PAQR5: variants seen among roughly 807,000 people sequenced by gnomAD.
The protein encoded by PAQR5 is membrane progestin receptor gamma.
In PAQR5, 20 loss-of-function variants were observed where a neutral mutation model predicts 34.5. The observed-to-expected ratio is 0.58, with a 90% CI of 0.41 to 0.84. PAQR5 has a LOEUF of 0.84. Among genes scored for constraint, PAQR5 ranks in the 40% least tolerant of loss-of-function variants. PAQR5 has a pLI of 0.00. For missense variants in PAQR5, 378 were observed against 412.7 expected (o/e 0.92, Z 0.73); for synonymous variants, 131 against 155.6 (o/e 0.84, Z 1.18).
Position 69,379,977 on chromosome 15 carries a change from C to T in PAQR5, c.146C>T (p.Thr49Ile). ...AGCCTTTTCCAAATGACCAATGAGACTCTCAACATTTGGACTCACTTGCTG... is the reference window on the plus strand; with the variant it reads ...AGCCTTTTCCAAATGACCAATGAGATTCTCAACATTTGGACTCACTTGCTG... ...ILSLFQMTNE[T>I]LNIWTHLLPF... The change falls in exon 4 of 9, where the codon ACT becomes ATT. Residue 49 changes from threonine to isoleucine, a missense_variant. Transcript: ENST00000395407. 6.2e-7 allele frequency: 1 copy of T among 1,614,236 alleles called. No homozygotes were observed. Among genetic ancestry groups the T allele is most frequent in the East Asian group, 2.2e-5 (1 of 44,878 alleles).
rs200444509 is a variant in PAQR5, at chr15:69,400,164, G to A, written c.751+49G>A. ...CTCTGCTCATTGCCCTCCTGACTGG[G>A]GAGGGTCCTGTCCCTGACTCCAGTG... On this transcript the variant is annotated intron_variant, in intron 8 of 8. Coordinates refer to ENST00000395407, the MANE Select transcript of PAQR5 (RefSeq NM_017705.4). 362 of 1,572,354 alleles carry A rather than the reference G, an allele frequency of 2.3e-4. 3 individuals carry two copies. In the African/African-American group the frequency reaches 4.5e-3, roughly 20 times the overall value.
chr15:69,351,438 T>G (rs911297627), intron 2 of PAQR5, among the ~76,000 whole-genome samples: 2 of 152,244 alleles, frequency 1.3e-5, no homozygotes, highest in African/African-American at 4.8e-5. Flanking sequence ...AAATAACACA[T>G]CTTCTGGTAC....
chr15:69,400,193 G>T (rs1265230160), intron 8 of PAQR5, 78 bp downstream of exon 8: 1 of 1,413,354 alleles, frequency 7.1e-7, no homozygotes, highest in Non-Finnish European at 9.7e-7. Flanking sequence ...TCCAGTGCAC[G>T]TAGCTGCAAA....
chr15:69,337,871 T>A lies in PAQR5; in HGVS notation c.-116+370T>A, dbSNP rs138666948. On this transcript the variant is annotated intron_variant, in intron 2 of 8. Coordinates refer to ENST00000395407, the MANE Select transcript of PAQR5 (RefSeq NM_017705.4). ...GGGTGGATTGCTTGAGGTTGGGAGTTCAAGACCAGCCTGGACAACATGGTG... is the reference window on the plus strand; with the variant it reads ...GGGTGGATTGCTTGAGGTTGGGAGTACAAGACCAGCCTGGACAACATGGTG... Among the ~76,000 whole-genome samples, 184 of 151,982 alleles carry A rather than the reference T, an allele frequency of 1.2e-3. No individual in the cohort carries two copies. In the East Asian group the frequency reaches 0.03, roughly 25 times the overall value.
At chr15:69,376,000 T>C (rs904817410) in intron 3 of PAQR5, among the ~76,000 whole-genome samples, 4 of 152,220 alleles carry the variant, frequency 2.6e-5, no homozygotes, top group Non-Finnish European at 5.9e-5. Flanking sequence ...CATGCAAGTC[T>C]TGGCCATGCA....
chr15:69,383,266 C>T (rs117638970), intron 4 of PAQR5, among the ~76,000 whole-genome samples: 1,979 of 39,134 alleles, frequency 0.051, 20 homozygotes, highest in Non-Finnish European at 0.076. Context: ...GGAGGGTGAG[C>T]GGCCCTGCGT....
chr15:69,363,170 G>A (rs999462244), intron 3 of PAQR5, among the ~76,000 whole-genome samples: 8 of 152,216 alleles, frequency 5.3e-5, no homozygotes, highest in Non-Finnish European at 1.2e-4. Context: ...CATCTATAGG[G>A]AATGGTGTGC....
At chr15:69,386,976 C>T (rs1217433386) in intron 5 of PAQR5, among the ~76,000 whole-genome samples, 1 of 152,098 alleles carries the variant, frequency 6.6e-6, no homozygotes, top group East Asian at 1.9e-4. Context: ...ACTCCCCACC[C>T]ACGCCCACCC....
At chr15:69,301,934 T>A (rs957832805) in intron 1 of PAQR5, among the ~76,000 whole-genome samples, 2 of 134,742 alleles carry the variant, frequency 1.5e-5, no homozygotes, top group African/African-American at 6.0e-5. Context: ...GGCAGGAAAC[T>A]GGGCAGGGCC....
At chr15:69,399,496 G>A (rs2056556072) in intron 7 of PAQR5, among the ~76,000 whole-genome samples, 1 of 152,184 alleles carries the variant, frequency 6.6e-6, no homozygotes. Flanking sequence ...TAGTAATTAA[G>A]TTTGGGGGAG....
intron 1 of PAQR5, among the ~76,000 whole-genome samples, chr15:69,335,800 T>C (rs2054503806): frequency 6.6e-6 from 1 of 152,074 alleles, no homozygotes; most frequent in African/African-American, 2.4e-5. Flanking sequence ...TGATCTGCTG[T>C]TGGATGGAAA....
chr15:69,346,057 T>C (rs2054760574), intron 2 of PAQR5, among the ~76,000 whole-genome samples: 2 of 152,224 alleles, frequency 1.3e-5, no homozygotes, highest in Admixed American at 1.3e-4. Context: ...TTTTGTTTCA[T>C]TCAAGATGTT....
chr15:69,353,809 A>T (rs1376866025), intron 2 of PAQR5, among the ~76,000 whole-genome samples: 1 of 152,172 alleles, frequency 6.6e-6, no homozygotes, highest in Non-Finnish European at 1.5e-5. Flanking sequence ...TAAAGGTCTT[A>T]GTTCCAGAGG....
chr15:69,322,691 G>GGAAGAAGAAGAAGAAGAAGAAGAA (rs780711031), intron 1 of PAQR5, among the ~76,000 whole-genome samples: 20 of 25,462 alleles, frequency 7.9e-4, no homozygotes, highest in South Asian at 1.6e-3. Context: ...AAGGAGAAGA[G>GGAAGAAGAAGAAGAAGAAGAAGAA]GAAGAAGAAG....
In PAQR5 at chr15:69,311,038, C is replaced by CAAAAA. The variant is rs760679672; in HGVS notation, c.-277+11984_-277+11988dup. On this transcript the variant is annotated intron_variant, in intron 1 of 8. Transcript: ENST00000395407. ...TGGGCAACAGAGCAAGACTCCGTCG[C>CAAAAA]AAAAAATAAAAAAAAAAAAAAAAAA... Among the ~76,000 whole-genome samples, 219 of 36,106 alleles carry CAAAAA rather than the reference C, an allele frequency of 6.1e-3. 7 individuals are homozygous for CAAAAA. The highest frequency in any genetic ancestry group is 8.5e-3 in the Non-Finnish European group (152 of 17,978). 23.7% of individuals were successfully genotyped at this position (36,106 alleles called of 152,430 possible). A position where few individuals can be genotyped will look rare whatever the true frequency, so the allele number is the denominator to read the frequency against.
chr15:69,372,832 G>A (rs747860898), intron 3 of PAQR5, among the ~76,000 whole-genome samples: 2 of 152,060 alleles, frequency 1.3e-5, no homozygotes, highest in Non-Finnish European at 2.9e-5. Flanking sequence ...CTGGATTTTC[G>A]GTGAAATTCT....
At chr15:69,399,168 A>T (rs1005164676) in intron 7 of PAQR5, among the ~76,000 whole-genome samples, 1 of 152,148 alleles carries the variant, frequency 6.6e-6, no homozygotes, top group African/African-American at 2.4e-5. Context: ...CCTTCCAGGG[A>T]TTTCTAGGCC....
At position 69,397,579 on chromosome 15, in the gene PAQR5, C is replaced by T. The variant is rs372795167; in HGVS notation, c.609+15C>T. The T allele has an allele frequency of 3.3e-6, 5 of 1,496,160 alleles. No homozygotes were observed. In the African/African-American group the frequency reaches 5.5e-5, roughly 16 times the overall value. 92.7% of individuals were successfully genotyped at this position (1,496,160 alleles called of 1,614,324 possible). A position where few individuals can be genotyped will look rare whatever the true frequency, so the allele number is the denominator to read the frequency against. ...TCTTCTACAGGGTAAGGACTGGCTG[C>T]ATCTCCTCTCTGCCTGTTGGCAACA... is the stretch of plus-strand genomic sequence containing the variant. On this transcript the variant is annotated intron_variant, in intron 7 of 8. Transcript: ENST00000395407.
intron 2 of PAQR5, among the ~76,000 whole-genome samples, chr15:69,344,213 T>C (rs2054710521): frequency 6.6e-6 from 1 of 152,218 alleles, no homozygotes; most frequent in South Asian, 2.1e-4. Context: ...GGCTGTCTTG[T>C]GGCATGCTTC....
Sources: allele counts gnomAD v4.1 joint callset (sites outside exome capture counted in the v4.1 genomes callset), GRCh38; gene constraint gnomAD v4.1.1; transcripts MANE v1.5; gene names NCBI Gene and HGNC (gene_info 2026-07-23, HGNC 2026-07-21).